Variants in UNC13C observed in about 807,000 individuals in gnomAD.
The protein encoded by UNC13C is protein unc-13 homolog C.
A neutral mutation model predicts 245.4 loss-of-function variants in UNC13C; 174 were observed. The observed-to-expected ratio is 0.71, with a 90% CI of 0.63 to 0.80. The LOEUF (loss-of-function observed/expected upper bound fraction) is 0.80, where lower values mean the gene tolerates loss of function less well. Among genes scored for constraint, UNC13C ranks in the 30% least tolerant of loss-of-function variants. UNC13C has a pLI of 0.00. For missense variants in UNC13C, 2,829 were observed against 2,602.9 expected, an observed-to-expected ratio of 1.09 and a Z score of -1.89; for synonymous variants, 992 against 895.1, an observed-to-expected ratio of 1.11 and a Z score of -1.93.
At chr15:54,123,994 C>T (rs1287683970) in intron 2 of UNC13C, among the ~76,000 whole-genome samples, 1 of 152,090 alleles carries the variant, frequency 6.6e-6, no homozygotes, top group Admixed American at 6.6e-5. Context: ...GCATAATGCC[C>T]TGAGATCTAT....
intron 17 of UNC13C, among the ~76,000 whole-genome samples, chr15:54,350,097 G>A (rs2038947866): frequency 6.6e-6 from 1 of 151,998 alleles, no homozygotes; most frequent in Non-Finnish European, 1.5e-5. Context: ...CTTCACGCCA[G>A]TCTCCTGTCT....
At chr15:54,188,210 C>G (rs541011207) in intron 4 of UNC13C, among the ~76,000 whole-genome samples, 1 of 152,216 alleles carries the variant, frequency 6.6e-6, no homozygotes, top group East Asian at 1.9e-4. Flanking sequence ...ATTTCATATT[C>G]TTACATTATT....
At chr15:54,529,275 T>C (rs1334761332) in intron 25 of UNC13C, among the ~76,000 whole-genome samples, 2 of 152,166 alleles carry the variant, frequency 1.3e-5, no homozygotes, top group African/African-American at 4.8e-5. Flanking sequence ...CAAGTGTATG[T>C]ATAACCCTGC....
At chr15:54,553,350 A>G (rs1157603808) in intron 28 of UNC13C, among the ~76,000 whole-genome samples, 2 of 121,884 alleles carry the variant, frequency 1.6e-5, no homozygotes, top group Non-Finnish European at 3.2e-5. Flanking sequence ...ATATATTGTA[A>G]TATATAATAT....
At position 54,202,183 on chromosome 15, in the gene UNC13C, T is replaced by C. The variant is rs933406039; in HGVS notation, c.3072-32847T>C. On this transcript the variant is annotated intron_variant, in intron 4 of 32. Coordinates refer to ENST00000260323, the MANE Select transcript of UNC13C (RefSeq NM_001080534.3). ...AGAAACCTTAGATGACACCAACAAATGGAAACACATCTCATGCTCATAGAT... is the reference window on the plus strand; with the variant it reads ...AGAAACCTTAGATGACACCAACAAACGGAAACACATCTCATGCTCATAGAT... Among the ~76,000 whole-genome samples, 11 of 151,934 alleles carry C rather than the reference T, an allele frequency of 7.2e-5. No individual in the cohort carries two copies. In the South Asian group the frequency reaches 8.3e-4, roughly 11 times the overall value.
At chr15:54,181,975 C>T (rs952945330) in intron 4 of UNC13C, among the ~76,000 whole-genome samples, 1 of 151,830 alleles carries the variant, frequency 6.6e-6, no homozygotes, top group African/African-American at 2.4e-5. Context: ...TCATATTTTC[C>T]ATGAAGAGAG....
At chr15:54,302,454 A>G (rs764130611) in intron 13 of UNC13C, among the ~76,000 whole-genome samples, 2 of 152,112 alleles carry the variant, frequency 1.3e-5, no homozygotes, top group Non-Finnish European at 2.9e-5. Context: ...ATCCATCTTG[A>G]GTTAATTTTT....
intron 4 of UNC13C, among the ~76,000 whole-genome samples, chr15:54,205,327 A>T (rs190407296): frequency 4.6e-5 from 7 of 151,966 alleles, no homozygotes; most frequent in African/African-American, 1.7e-4. Context: ...TTGTCCCCCA[A>T]TGTAAGATTT....
the UNC13C span, among the ~76,000 whole-genome samples, chr15:53,862,803 T>C: frequency 6.6e-6 from 1 of 152,162 alleles, no homozygotes; most frequent in Non-Finnish European, 1.5e-5. Context: ...AGACTCCATC[T>C]GTAAGTAACA....
intron 4 of UNC13C, among the ~76,000 whole-genome samples, chr15:54,173,332 TG>T (rs2033485767): frequency 6.6e-6 from 1 of 152,200 alleles, no homozygotes; most frequent in African/African-American, 2.4e-5. Flanking sequence ...TTAAAAATAC[TG>T]AGTGTTCTAA....
At chr15:54,169,346 C>T (rs2033298094) in intron 4 of UNC13C, among the ~76,000 whole-genome samples, 1 of 152,230 alleles carries the variant, frequency 6.6e-6, no homozygotes, top group East Asian at 1.9e-4. Context: ...AACACCTTTC[C>T]AGAATCCAAC....
chr15:53,964,816 T>C, the UNC13C span, among the ~76,000 whole-genome samples: 1 of 152,164 alleles, frequency 6.6e-6, no homozygotes, highest in Non-Finnish European at 1.5e-5. Context: ...ATTTAGAATC[T>C]TTTGGCACTT....
At chr15:53,989,512 T>A (rs532240326) in intron 1 of UNC13C, among the ~76,000 whole-genome samples, 1 of 152,070 alleles carries the variant, frequency 6.6e-6, no homozygotes, top group Non-Finnish European at 1.5e-5. Context: ...TATTTTGCCA[T>A]TAAATCTATT....
chr15:53,843,029 A>G, the UNC13C span, among the ~76,000 whole-genome samples: 1 of 151,984 alleles, frequency 6.6e-6, no homozygotes, highest in Admixed American at 6.6e-5. Context: ...TAGAATGGTC[A>G]AAAGCCAGCC....
intron 18 of UNC13C, among the ~76,000 whole-genome samples, chr15:54,399,144 A>G (rs2040130188): frequency 6.6e-6 from 1 of 151,664 alleles, no homozygotes; most frequent in Non-Finnish European, 1.5e-5. Flanking sequence ...AGTAGAGACC[A>G]TGGAAATGTC....
chr15:54,481,208 G>A (rs1893088439), intron 19 of UNC13C, among the ~76,000 whole-genome samples: 1 of 152,160 alleles, frequency 6.6e-6, no homozygotes, highest in Non-Finnish European at 1.5e-5. Flanking sequence ...TGGGATGCTA[G>A]GCATGCTGGT....
At chr15:54,542,578 T>C (rs767203063) in intron 26 of UNC13C, among the ~76,000 whole-genome samples, 3 of 152,328 alleles carry the variant, frequency 2.0e-5, no homozygotes, top group Non-Finnish European at 4.4e-5. Context: ...CTCATTGATC[T>C]GTCTAATATT....
intron 17 of UNC13C, among the ~76,000 whole-genome samples, chr15:54,370,971 G>A (rs1208688486): frequency 6.6e-6 from 1 of 152,028 alleles, no homozygotes; most frequent in Non-Finnish European, 1.5e-5. Context: ...ACAAAATATA[G>A]CTAATTAACA....
chr15:54,451,800 GT>G (rs934229907), intron 19 of UNC13C, among the ~76,000 whole-genome samples: 1 of 151,808 alleles, frequency 6.6e-6, no homozygotes, highest in Non-Finnish European at 1.5e-5. Context: ...GAATTATTGT[GT>G]TTTTTTGGAA....
Sources: allele counts gnomAD v4.1 joint callset (sites outside exome capture counted in the v4.1 genomes callset), GRCh38; gene constraint gnomAD v4.1.1; transcripts MANE v1.5; gene names NCBI Gene and HGNC (gene_info 2026-07-23, HGNC 2026-07-21).